The following RPTOR variants were observed in gnomAD, a reference collection of about 807,000 sequenced individuals.
RPTOR encodes the protein regulatory-associated protein of mTOR.
In RPTOR, 21 loss-of-function variants were observed where a neutral mutation model predicts 169.9. That is an observed-to-expected ratio of 0.12 (90% CI 0.09 to 0.18). The LOEUF is 0.18. Among genes scored for constraint, RPTOR ranks in the 10% least tolerant of loss-of-function variants. The pLI is 1.00. For synonymous variants in RPTOR, 732 were observed against 753.2 expected (o/e 0.97, Z 0.46); for missense variants, 1,133 against 1,855.9 (o/e 0.61, Z 7.16).
At chr17:80,696,659 G>A (rs1283315372) in intron 3 of RPTOR, among the ~76,000 whole-genome samples, 1 of 152,256 alleles carries the variant, frequency 6.6e-6, no homozygotes, top group African/African-American at 2.4e-5. Flanking sequence ...AAGGGACACA[G>A]GAATTTTCTC....
chr17:80,749,866 C>T (rs2066614574), intron 5 of RPTOR, among the ~76,000 whole-genome samples: 1 of 152,130 alleles, frequency 6.6e-6, no homozygotes, highest in African/African-American at 2.4e-5. Context: ...GCATGCACCA[C>T]TACACCAGGC....
intron 13 of RPTOR, among the ~76,000 whole-genome samples, chr17:80,865,269 A>AATAGAAAAAGGCAGGATGATAG (rs1455738811): frequency 6.6e-6 from 1 of 152,232 alleles, no homozygotes; most frequent in African/African-American, 2.4e-5. Flanking sequence ...AGATGTAACA[A>AATAGAAAAAGGCAGGATGATAG]ATAGAAAAAG....
Position 80,625,780 on chromosome 17 carries a change from G to A in RPTOR, c.252G>A (p.Leu84=), listed in dbSNP as rs1195575722. The change falls in exon 2 of 34, where the codon TTG becomes TTA. Residue 84 remains leucine (L), a synonymous_variant. Coordinates refer to ENST00000306801, the MANE Select transcript of RPTOR (RefSeq NM_020761.3). ...DVVKTTPCAR[L]ECWIDPLSMG... is the part of the protein sequence containing the mutation. ...TGAAGACCACGCCCTGTGCACGCTTGGAATGCTGGATCGGTGAGTATGCCT... is the reference window on the plus strand; with the variant it reads ...TGAAGACCACGCCCTGTGCACGCTTAGAATGCTGGATCGGTGAGTATGCCT... 6.2e-7 allele frequency: 1 copy of A among 1,610,868 alleles called. No individual in the cohort carries two copies. Among genetic ancestry groups the A allele is most frequent in the Non-Finnish European group, 8.5e-7 (1 of 1,177,990 alleles).
chr17:80,639,850 T>C (rs1395593491), intron 2 of RPTOR, among the ~76,000 whole-genome samples: 2 of 152,128 alleles, frequency 1.3e-5, no homozygotes, highest in Non-Finnish European at 2.9e-5. Context: ...TCAAACTGGG[T>C]ACATAGGAAG....
At chr17:80,752,197 C>T (rs1436511292) in intron 5 of RPTOR, among the ~76,000 whole-genome samples, 1 of 152,196 alleles carries the variant, frequency 6.6e-6, no homozygotes, top group African/African-American at 2.4e-5. Flanking sequence ...TCTTTCTGTC[C>T]CTTTGTTTCC....
chr17:80,832,942 C>T (rs1355082384), intron 9 of RPTOR, among the ~76,000 whole-genome samples: 1 of 152,224 alleles, frequency 6.6e-6, no homozygotes, highest in Non-Finnish European at 1.5e-5. Flanking sequence ...AAGTCATCTG[C>T]ATTTACACTT....
At chr17:80,775,945 C>A (rs545948988) in intron 6 of RPTOR, among the ~76,000 whole-genome samples, 2 of 152,112 alleles carry the variant, frequency 1.3e-5, no homozygotes, top group Admixed American at 6.5e-5. Context: ...ATTTAGTATT[C>A]CATCACATTT....
chr17:80,730,712 C>T lies in RPTOR; in HGVS notation c.654+6C>T, dbSNP rs370085204. ...AGCGGGAGCAGGAGCTGGAGGTGAG[C>T]GCTCTGGTGCTTGGAGAGCGGTGCT... On this transcript the variant is annotated splice_donor_region_variant and intron_variant, in intron 5 of 33. Transcript: ENST00000306801. This position sits in a 1 kb window ranked among gnomAD's most constrained non-coding sequence, Gnocchi z 4.2. The T allele has an allele frequency of 1.0e-5, 14 of 1,371,296 alleles. No individual in the cohort carries two copies. The African/African-American group carries it at 1.1e-4, about 10-fold the overall frequency. 84.9% of individuals were successfully genotyped at this position (1,371,296 alleles called of 1,614,324 possible). A position where few individuals can be genotyped will look rare whatever the true frequency, so the allele number is the denominator to read the frequency against.
intron 6 of RPTOR, chr17:80,773,783 C>G (rs1050940326): frequency 1.0e-6 from 1 of 985,130 alleles, no homozygotes; most frequent in Non-Finnish European, 1.2e-6. Flanking sequence ...CGTGTAGTCA[C>G]TGTGGCGCTG....
chr17:80,643,832 T>C, intron 3 of RPTOR, 22 bp downstream of exon 3: 2 of 1,570,328 alleles, frequency 1.3e-6, no homozygotes, highest in Non-Finnish European at 1.8e-6. Context: ...TCACTTGCTC[T>C]TCCCTTTCCT....
chr17:80,821,629 C>G (rs1409094625), intron 7 of RPTOR, among the ~76,000 whole-genome samples: 1 of 152,186 alleles, frequency 6.6e-6, no homozygotes, highest in African/African-American at 2.4e-5. Context: ...CACTTGCCAC[C>G]TCTAATGTGT....
intron 9 of RPTOR, among the ~76,000 whole-genome samples, chr17:80,825,510 G>A (rs35904260): frequency 0.55 from 83,959 of 152,198 alleles, 23,699 homozygotes; most frequent in Middle Eastern, 0.62. Context: ...CTCTCCCAGC[G>A]TTGCTGGGGC....
At chr17:80,627,444 A>G (rs1419720205) in intron 2 of RPTOR, among the ~76,000 whole-genome samples, 1 of 152,248 alleles carries the variant, frequency 6.6e-6, no homozygotes, top group Non-Finnish European at 1.5e-5. Flanking sequence ...TGTCACACCA[A>G]GGAAGTTCCC....
intron 9 of RPTOR, 41 bp from the exon 10 acceptor site, chr17:80,837,881 C>A (rs372233848): frequency 3.2e-6 from 5 of 1,576,386 alleles, no homozygotes; most frequent in East Asian, 2.3e-5. Flanking sequence ...TGTGGAAGCC[C>A]GTCCATAATG....
At chr17:80,634,642 C>A (rs2065484890) in intron 2 of RPTOR, among the ~76,000 whole-genome samples, 1 of 76,754 alleles carries the variant, frequency 1.3e-5, no homozygotes, top group Non-Finnish European at 2.5e-5. Context: ...TGTGTGTGTG[C>A]ATACTGTATG....
At chr17:80,576,895 G>A (rs1334916995) in intron 1 of RPTOR, among the ~76,000 whole-genome samples, 2 of 152,052 alleles carry the variant, frequency 1.3e-5, no homozygotes, top group African/African-American at 4.8e-5. Context: ...GTAGAGACGG[G>A]GTTTTGCCCT....
chr17:80,710,791 C>T (rs1215648499), intron 4 of RPTOR, among the ~76,000 whole-genome samples: 2 of 152,132 alleles, frequency 1.3e-5, no homozygotes, highest in African/African-American at 4.8e-5. Flanking sequence ...AATCTGTGTT[C>T]GTGAGTGAGA....
intron 6 of RPTOR, among the ~76,000 whole-genome samples, chr17:80,777,367 A>C (rs1338198409): frequency 6.6e-6 from 1 of 152,184 alleles, no homozygotes. Flanking sequence ...ATAATTTTAG[A>C]TATGTGGTTG....
chr17:80,713,234 A>G (rs1401831729), intron 4 of RPTOR, among the ~76,000 whole-genome samples: 1 of 152,032 alleles, frequency 6.6e-6, no homozygotes, highest in East Asian at 1.9e-4. Flanking sequence ...ACGCCCGGCT[A>G]ATTTTGTATT....
Sources: gnomAD v4.1 joint callset for allele counts (sites outside exome capture counted in the v4.1 genomes callset) on GRCh38, gnomAD v4.1.1 for gene constraint, Gnocchi (gnomAD v3.1) non-coding constraint, MANE v1.5 for transcripts, NCBI Gene and HGNC (gene_info 2026-07-23, HGNC 2026-07-21) for gene names.